VRK2: variants seen among roughly 807,000 people sequenced by gnomAD.
The protein encoded by VRK2 is serine/threonine-protein kinase VRK2.
Under a neutral mutation model 57.6 loss-of-function variants are expected in VRK2, and 60 were observed. The observed-to-expected ratio is 1.04, with a 90% CI of 0.85 to 1.29. VRK2 has a LOEUF of 1.29. Among genes scored for constraint, VRK2 ranks in the 50% most tolerant of loss-of-function variants. VRK2 has a pLI of 0.00. For missense variants in VRK2, 705 were observed against 588.1 expected (o/e 1.20, Z -2.06); for synonymous variants, 231 against 199.2 (o/e 1.16, Z -1.35).
intron 2 of VRK2, among the ~76,000 whole-genome samples, chr2:58,028,717 C>G (rs1384128895): frequency 6.7e-6 from 1 of 150,178 alleles, no homozygotes; most frequent in East Asian, 2.0e-4. Flanking sequence ...AGGGGTACAT[C>G]ACACACCGGG....
intron 1 of VRK2, chr2:58,048,496 A>G (rs532989880): frequency 1.7e-6 from 2 of 1,173,214 alleles, no homozygotes; most frequent in South Asian, 2.7e-5. Context: ...TTCTTTCTTC[A>G]TTGGAAATTG....
intron 1 of VRK2, among the ~76,000 whole-genome samples, chr2:58,003,889 A>G (rs960356054): frequency 6.6e-6 from 1 of 152,134 alleles, no homozygotes; most frequent in African/African-American, 2.4e-5. Context: ...CTTGTTTACT[A>G]TAACTGTTAA....
At chr2:57,938,100 G>A (rs1314791325) in intron 1 of VRK2, among the ~76,000 whole-genome samples, 1 of 152,070 alleles carries the variant, frequency 6.6e-6, no homozygotes, top group Non-Finnish European at 1.5e-5. Flanking sequence ...AAAGTGCTGG[G>A]ATTAATGGCG....
chr2:58,024,819 T>A (rs1293846163), intron 1 of VRK2, among the ~76,000 whole-genome samples: 1 of 152,244 alleles, frequency 6.6e-6, no homozygotes, highest in Admixed American at 6.5e-5. Context: ...ATGCTAAATT[T>A]AATTGGTTAG....
intron 7 of VRK2, among the ~76,000 whole-genome samples, chr2:58,117,726 T>C (rs1203708080): frequency 6.6e-6 from 1 of 152,164 alleles, no homozygotes; most frequent in Admixed American, 6.5e-5. Flanking sequence ...TTGGAACTAC[T>C]GTCAAGTTTG....
At chr2:58,003,113 C>G (rs1673139496) in intron 1 of VRK2, among the ~76,000 whole-genome samples, 1 of 152,056 alleles carries the variant, frequency 6.6e-6, no homozygotes, top group East Asian at 1.9e-4. Context: ...TTGACCATAA[C>G]AAACATATAC....
At chr2:57,930,211 T>C (rs181253491) in intron 1 of VRK2, among the ~76,000 whole-genome samples, 2 of 152,308 alleles carry the variant, frequency 1.3e-5, no homozygotes, top group Admixed American at 1.3e-4. Flanking sequence ...TAGCCTGCTA[T>C]GAAAAGGCTT....
chr2:58,136,625 C>T (rs534770804), intron 10 of VRK2, among the ~76,000 whole-genome samples: 2 of 151,370 alleles, frequency 1.3e-5, no homozygotes, highest in Non-Finnish European at 2.9e-5. Context: ...ACCTCGTGAT[C>T]CCCCCCACCT....
chr2:58,115,306 T>C (rs948599823), intron 7 of VRK2, among the ~76,000 whole-genome samples: 18 of 152,046 alleles, frequency 1.2e-4, no homozygotes, highest in Non-Finnish European at 2.2e-4. Flanking sequence ...GGAGGCCAGA[T>C]TGAAGTCCGG....
intron 2 of VRK2, among the ~76,000 whole-genome samples, chr2:58,072,951 A>G (rs1376434454): frequency 6.6e-6 from 1 of 152,032 alleles, no homozygotes; most frequent in Non-Finnish European, 1.5e-5. Flanking sequence ...AATCAGATAT[A>G]TGTATTCAAT....
intron 8 of VRK2, among the ~76,000 whole-genome samples, chr2:58,128,839 G>A (rs1558672275): frequency 1.3e-5 from 2 of 152,142 alleles, no homozygotes; most frequent in Non-Finnish European, 2.9e-5. Context: ...AGAGTGCCAG[G>A]CATAGTAGCG....
intron 1 of VRK2, among the ~76,000 whole-genome samples, chr2:58,024,958 A>G (rs1295635385): frequency 1.3e-5 from 2 of 152,222 alleles, no homozygotes; most frequent in Non-Finnish European, 2.9e-5. Context: ...TATTGCTTTT[A>G]CACATGGGGG....
chr2:57,999,724 G>C (rs1426977927), intron 1 of VRK2, among the ~76,000 whole-genome samples: 1 of 152,162 alleles, frequency 6.6e-6, no homozygotes, highest in African/African-American at 2.4e-5. Context: ...TTTAGAGTTA[G>C]TGTAAGTTTA....
intron 1 of VRK2, among the ~76,000 whole-genome samples, chr2:57,940,996 C>A (rs1299220517): frequency 6.6e-6 from 1 of 152,050 alleles, no homozygotes; most frequent in East Asian, 1.9e-4. Context: ...CCATCTGGAT[C>A]TAAATGCCTC....
intron 12 of VRK2, among the ~76,000 whole-genome samples, chr2:58,155,100 C>G (rs1683603654): frequency 6.6e-6 from 1 of 151,958 alleles, no homozygotes; most frequent in Non-Finnish European, 1.5e-5. Context: ...ATGTATTTTC[C>G]TGTTTGGGGG....
chr2:58,026,362 T>C (rs1710792602), intron 2 of VRK2, among the ~76,000 whole-genome samples: 1 of 152,072 alleles, frequency 6.6e-6, no homozygotes, highest in South Asian at 2.1e-4. Context: ...ATGCAGTATC[T>C]AGTTTATGTA....
intron 1 of VRK2, among the ~76,000 whole-genome samples, chr2:57,994,222 G>A (rs1672855817): frequency 6.6e-6 from 1 of 152,156 alleles, no homozygotes; most frequent in Non-Finnish European, 1.5e-5. Flanking sequence ...GTCATGGTTA[G>A]CTTTCTGGGA....
intron 1 of VRK2, among the ~76,000 whole-genome samples, chr2:57,928,189 C>A (rs763631778): frequency 2.2e-4 from 34 of 152,184 alleles, no homozygotes; most frequent in Non-Finnish European, 4.1e-4. Flanking sequence ...ATCTGGCAAA[C>A]CTTGTAAATA....
At chr2:57,941,776 T>A (rs1472069564) in intron 1 of VRK2, among the ~76,000 whole-genome samples, 4 of 152,236 alleles carry the variant, frequency 2.6e-5, no homozygotes, top group Non-Finnish European at 5.9e-5. Flanking sequence ...ATGCATAGGC[T>A]GCCATAGACA....
Sources: allele counts gnomAD v4.1 joint callset (sites outside exome capture counted in the v4.1 genomes callset), GRCh38; gene constraint gnomAD v4.1.1; transcripts MANE v1.5; gene names NCBI Gene and HGNC (gene_info 2026-07-23, HGNC 2026-07-21).